NCALD: variants seen among roughly 807,000 people sequenced by gnomAD.
NCALD encodes neurocalcin delta.
Under a neutral mutation model 18.6 loss-of-function variants are expected in NCALD, and 10 were observed. That is an observed-to-expected ratio of 0.54 (90% confidence interval 0.33 to 0.91). The LOEUF is 0.91. NCALD is among the 40% of genes least tolerant of loss of function. The pLI is 0.03. For missense variants in NCALD, 184 were observed against 247.6 expected (o/e 0.74, Z 1.72); for synonymous variants, 88 against 87.4 (o/e 1.01, Z -0.04).
intron 2 of NCALD, among the ~76,000 whole-genome samples, chr8:101,919,023 C>T (rs1039805575): frequency 6.6e-6 from 1 of 151,980 alleles, no homozygotes; most frequent in South Asian, 2.1e-4. Flanking sequence ...GAACCAAATT[C>T]TATAATTCTA....
chr8:101,937,449 T>C (rs1422815513), intron 2 of NCALD, among the ~76,000 whole-genome samples: 4 of 152,216 alleles, frequency 2.6e-5, no homozygotes, highest in African/African-American at 4.8e-5. Context: ...TTTGTTTTTC[T>C]GTTACTGCAT....
intron 2 of NCALD, among the ~76,000 whole-genome samples, chr8:101,918,810 G>A (rs1319367597): frequency 6.6e-6 from 1 of 151,006 alleles, no homozygotes; most frequent in Non-Finnish European, 1.5e-5. Flanking sequence ...GGAAGTGAAA[G>A]ATCTCTACAA....
At chr8:101,995,377 A>G (rs908624393) in intron 2 of NCALD, among the ~76,000 whole-genome samples, 34 of 152,318 alleles carry the variant, frequency 2.2e-4, no homozygotes, top group Admixed American at 1.0e-3. Context: ...GCACTGATAT[A>G]AAGAAATACC....
At chr8:102,040,810 A>G (rs1040259198) in intron 1 of NCALD, among the ~76,000 whole-genome samples, 1 of 152,220 alleles carries the variant, frequency 6.6e-6, no homozygotes, top group African/African-American at 2.4e-5. Context: ...ATCCATCTTC[A>G]TAACAGAGCC....
Position 101,914,307 on chromosome 8 carries a change from T to C in NCALD, c.-107+1502A>G, listed in dbSNP as rs147188714. 2.2e-3 allele frequency among the ~76,000 whole-genome samples: 334 copies of C among 152,332 alleles called. 3 individuals are homozygous for C. The highest frequency in any genetic ancestry group is 4.1e-3 in the Admixed American group (62 of 15,306). On this transcript the variant is annotated intron_variant, in intron 3 of 6. Coordinates refer to the NCALD transcript ENST00000311028. The stretch of plus-strand genomic sequence containing the variant: ...CATAATTAGACTTAGATCAAGTATT[T>C]TGGGGAGGAAGATTACAAAGGCAAA...
chr8:101,889,494 T>A (rs1419936115), intron 3 of NCALD, among the ~76,000 whole-genome samples: 1 of 152,226 alleles, frequency 6.6e-6, no homozygotes, highest in Non-Finnish European at 1.5e-5. Flanking sequence ...CTCTGAATAC[T>A]ATACAAACAG....
intron 4 of NCALD, among the ~76,000 whole-genome samples, chr8:101,798,723 A>G (rs1490936291): frequency 6.6e-6 from 1 of 152,238 alleles, no homozygotes; most frequent in African/African-American, 2.4e-5. Flanking sequence ...AAAGGAATAA[A>G]ATGGAAGCCA....
In NCALD at chr8:101,722,147, C is replaced by A. The variant is rs576684228; in HGVS notation, c.-19-2499G>T. Reference sequence around the variant, plus strand: ...CTTGGCCCAGAGTTCCCTCTTTAGGCAGAATCAAGCAAACACCATTTTATG... The same window carrying A: ...CTTGGCCCAGAGTTCCCTCTTTAGGAAGAATCAAGCAAACACCATTTTATG... On this transcript the variant is annotated intron_variant, in intron 1 of 3. Coordinates refer to ENST00000220931, the MANE Select transcript of NCALD (RefSeq NM_032041.3). Among the ~76,000 whole-genome samples the A allele has an allele frequency of 2.2e-3, 332 of 152,280 alleles. 1 individual carries two copies. The highest frequency in any genetic ancestry group is 7.2e-3 in the African/African-American group (299 of 41,556).
intron 4 of NCALD, among the ~76,000 whole-genome samples, chr8:101,878,460 G>T (rs1426093546): frequency 1.3e-5 from 2 of 152,088 alleles, no homozygotes; most frequent in Non-Finnish European, 1.5e-5. Flanking sequence ...ATATAATTTT[G>T]TTTTTTACAG....
intron 4 of NCALD, among the ~76,000 whole-genome samples, chr8:101,869,309 G>A (rs937892613): frequency 6.6e-6 from 1 of 152,182 alleles, no homozygotes; most frequent in Non-Finnish European, 1.5e-5. Flanking sequence ...GTCAGGAGTA[G>A]GAGATGTGGT....
intron 4 of NCALD, among the ~76,000 whole-genome samples, chr8:101,853,393 GAGA>G (rs1348388340): frequency 6.6e-6 from 1 of 152,140 alleles, no homozygotes; most frequent in Non-Finnish European, 1.5e-5. Flanking sequence ...AAAAATAAAT[GAGA>G]AGAAGTGAAA....
intron 1 of NCALD, among the ~76,000 whole-genome samples, chr8:101,777,491 T>C (rs1271490585): frequency 1.3e-5 from 2 of 152,222 alleles, no homozygotes; most frequent in Non-Finnish European, 2.9e-5. Context: ...ATGAATGGAA[T>C]TGGCTCATGT....
intron 2 of NCALD, among the ~76,000 whole-genome samples, chr8:101,718,189 C>T (rs1816177882): frequency 6.6e-6 from 1 of 152,154 alleles, no homozygotes; most frequent in South Asian, 2.1e-4. Flanking sequence ...GACTGAGGTG[C>T]TTTACAGTGA....
intron 1 of NCALD, among the ~76,000 whole-genome samples, chr8:101,780,790 T>G (rs1430763457): frequency 6.6e-6 from 1 of 152,192 alleles, no homozygotes; most frequent in Non-Finnish European, 1.5e-5. Context: ...TATAACATGA[T>G]TTCAGTGAAA....
At chr8:101,851,012 G>C (rs1366933458) in intron 4 of NCALD, among the ~76,000 whole-genome samples, 1 of 151,824 alleles carries the variant, frequency 6.6e-6, no homozygotes, top group Non-Finnish European at 1.5e-5. Context: ...TTTTGTTTTG[G>C]TTTTTGTTTT....
At chr8:101,710,406 C>A (rs557941566) in intron 2 of NCALD, among the ~76,000 whole-genome samples, 2 of 152,120 alleles carry the variant, frequency 1.3e-5, no homozygotes, top group Middle Eastern at 3.2e-3. Context: ...GGAACACCAG[C>A]GAGGCAGAGC....
chr8:102,011,961 G>A (rs766029622), intron 2 of NCALD, among the ~76,000 whole-genome samples: 13 of 152,200 alleles, frequency 8.5e-5, no homozygotes, highest in South Asian at 6.2e-4. Context: ...TTCCATGTTC[G>A]TCAGAAAGGC....
intron 2 of NCALD, among the ~76,000 whole-genome samples, chr8:101,983,368 C>A (rs1250281216): frequency 6.6e-6 from 1 of 152,166 alleles, no homozygotes; most frequent in African/African-American, 2.4e-5. Context: ...GTTCCCTAAC[C>A]CCAGGACTCC....
intron 1 of NCALD, among the ~76,000 whole-genome samples, chr8:101,777,058 G>C (rs1487120246): frequency 6.6e-6 from 1 of 152,084 alleles, no homozygotes; most frequent in Admixed American, 6.6e-5. Flanking sequence ...GTTTGCCACT[G>C]GGCCTTCATC....
Sources: gnomAD v4.1 joint callset for allele counts (sites outside exome capture counted in the v4.1 genomes callset) on GRCh38, gnomAD v4.1.1 for gene constraint, MANE v1.5 for transcripts, NCBI Gene and HGNC (gene_info 2026-07-23, HGNC 2026-07-21) for gene names.